PTK2: variants seen among roughly 807,000 people sequenced by gnomAD.
The protein encoded by PTK2 is focal adhesion kinase 1.
A neutral mutation model predicts 150.1 loss-of-function variants in PTK2; 45 were observed. The observed-to-expected ratio is 0.30, with a 90% confidence interval of 0.24 to 0.38. The LOEUF is 0.38. PTK2 is among the 10% of genes least tolerant of loss of function. The pLI, the probability that PTK2 is intolerant of heterozygous loss-of-function variation, is 1.00. For synonymous variants in PTK2, 432 were observed against 449.2 expected (o/e 0.96, Z 0.48); for missense variants, 919 against 1,307.3 (o/e 0.70, Z 4.58).
intron 14 of PTK2, among the ~76,000 whole-genome samples, chr8:140,766,666 G>A (rs766533349): frequency 2.0e-4 from 30 of 152,158 alleles, no homozygotes; most frequent in Non-Finnish European, 4.0e-4. Flanking sequence ...AAGAATGAAT[G>A]CACTGCAACA....
chr8:140,673,265 G>A (rs1290539644), intron 29 of PTK2, among the ~76,000 whole-genome samples: 10 of 151,948 alleles, frequency 6.6e-5, no homozygotes, highest in Non-Finnish European at 1.2e-4. Context: ...GCACCACCAC[G>A]CCCAGCTAAT....
intron 1 of PTK2, among the ~76,000 whole-genome samples, chr8:140,975,092 A>C (rs1360808694): frequency 6.6e-6 from 1 of 152,190 alleles, no homozygotes; most frequent in Non-Finnish European, 1.5e-5. Flanking sequence ...CATAATTAAA[A>C]GAACATACAG....
At chr8:140,728,325 T>C (rs932687103) in intron 22 of PTK2, among the ~76,000 whole-genome samples, 29 of 152,236 alleles carry the variant, frequency 1.9e-4, no homozygotes, top group Non-Finnish European at 4.3e-4. Flanking sequence ...ATTCTGTTAC[T>C]GGTTACCTTA....
At chr8:140,752,124 G>C in intron 17 of PTK2, 108 bp downstream of exon 20, 2 of 926,520 alleles carry the variant, frequency 2.2e-6, no homozygotes, top group South Asian at 1.5e-5. Flanking sequence ...AATAAACATA[G>C]TTGTCTCCTA....
chr8:140,831,516 T>C (rs2100115388), intron 7 of PTK2, among the ~76,000 whole-genome samples: 1 of 152,230 alleles, frequency 6.6e-6, no homozygotes, highest in South Asian at 2.1e-4. Flanking sequence ...GTCAGTTTAT[T>C]TGGTTGATAC....
intron 29 of PTK2, among the ~76,000 whole-genome samples, chr8:140,671,931 CAG>C (rs1052176608): frequency 3.2e-5 from 4 of 125,940 alleles, no homozygotes; most frequent in African/African-American, 1.3e-4. Flanking sequence ...GACTCTGTCT[CAG>C]GGGGGCGGGG....
chr8:140,805,207 A>G (rs1385198240), intron 10 of PTK2, among the ~76,000 whole-genome samples: 2 of 152,166 alleles, frequency 1.3e-5, no homozygotes, highest in Non-Finnish European at 2.9e-5. Flanking sequence ...CTAACAACAT[A>G]GTTAAAAGGG....
At chr8:140,834,629 T>C (rs2100117586) in intron 7 of PTK2, among the ~76,000 whole-genome samples, 1 of 152,210 alleles carries the variant, frequency 6.6e-6, no homozygotes, top group South Asian at 2.1e-4. Flanking sequence ...GATCATGGGA[T>C]AGAAAAATCG....
intron 10 of PTK2, among the ~76,000 whole-genome samples, chr8:140,817,880 G>C (rs1221871325): frequency 1.3e-5 from 2 of 152,068 alleles, no homozygotes; most frequent in Non-Finnish European, 2.9e-5. Flanking sequence ...GCTTTCAAGA[G>C]AATTGTGAAT....
At chr8:140,970,175 C>T (rs1326862325) in intron 1 of PTK2, among the ~76,000 whole-genome samples, 1 of 152,254 alleles carries the variant, frequency 6.6e-6, no homozygotes, top group African/African-American at 2.4e-5. Context: ...CTGGGAAGTA[C>T]ACACTGTGAA....
intron 13 of PTK2, among the ~76,000 whole-genome samples, chr8:140,791,538 A>C (rs1595788405): frequency 6.6e-6 from 1 of 152,164 alleles, no homozygotes; most frequent in Admixed American, 6.5e-5. Context: ...ACTGCATATG[A>C]CCCTGGCTGT....
At chr8:140,977,439 C>A (rs980448850) in intron 1 of PTK2, among the ~76,000 whole-genome samples, 1 of 151,886 alleles carries the variant, frequency 6.6e-6, no homozygotes, top group Non-Finnish European at 1.5e-5. Flanking sequence ...CTGGCCAACA[C>A]GGTGAAACCC....
intron 23 of PTK2, among the ~76,000 whole-genome samples, chr8:140,707,985 C>T (rs892386083): frequency 2.9e-4 from 44 of 152,122 alleles, no homozygotes; most frequent in African/African-American, 1.0e-3. Flanking sequence ...AAGTCACTTC[C>T]AGGTCTTAAA....
chr8:140,863,366 T>C (rs1017387404), intron 5 of PTK2, among the ~76,000 whole-genome samples: 4 of 151,908 alleles, frequency 2.6e-5, no homozygotes, highest in African/African-American at 7.3e-5. Context: ...CTAATCAGAG[T>C]GGTCTCAAAA....
intron 14 of PTK2, among the ~76,000 whole-genome samples, 178 bp downstream of exon 14, chr8:140,789,296 A>C (rs868192194): frequency 3.3e-5 from 5 of 152,068 alleles, no homozygotes; most frequent in Middle Eastern, 3.2e-3. Context: ...AAAAAAAAAA[A>C]AACTATGAGC....
chr8:140,785,053 G>A lies in PTK2; in HGVS notation c.1177+4421C>T, dbSNP rs116618161. ...CTGTCCTAAAGTTATCTAGATCCTC[G>A]CTTTTTCTGTTGGTTATCCTCTCTA... On this transcript the variant is annotated intron_variant, in intron 14 of 31. Coordinates refer to ENST00000522684, the Ensembl canonical transcript of PTK2. Among the ~76,000 whole-genome samples, 687 of 152,222 alleles carry A rather than the reference G, an allele frequency of 4.5e-3. 3 individuals are homozygous for A. Among genetic ancestry groups the A allele is most frequent in the African/African-American group, 0.016 (647 of 41,528 alleles).
intron 27 of PTK2, among the ~76,000 whole-genome samples, chr8:140,680,955 G>C (rs1478715366): frequency 2.0e-5 from 3 of 152,172 alleles, no homozygotes; most frequent in Non-Finnish European, 2.9e-5. Context: ...CTTTAACTCC[G>C]TAAGTCTGCT....
intron 7 of PTK2, among the ~76,000 whole-genome samples, chr8:140,843,408 C>T (rs534640143): frequency 5.9e-5 from 9 of 152,284 alleles, no homozygotes; most frequent in Admixed American, 5.9e-4. Context: ...CTGGTTCTCA[C>T]ATAGACTCTA....
chr8:140,797,044 T>C (rs2154591978), intron 12 of PTK2, among the ~76,000 whole-genome samples: 1 of 152,312 alleles, frequency 6.6e-6, no homozygotes, highest in East Asian at 1.9e-4. Flanking sequence ...GGTCAGTGGT[T>C]TGTATGACTG....
Sources: allele counts gnomAD v4.1 joint callset (sites outside exome capture counted in the v4.1 genomes callset), GRCh38; gene constraint gnomAD v4.1.1; transcripts MANE v1.5; gene names NCBI Gene and HGNC (gene_info 2026-07-23, HGNC 2026-07-21).